FXR1: variants seen among roughly 807,000 people sequenced by gnomAD.
The protein encoded by FXR1 is FMR1 autosomal homolog 1.
In FXR1, 15 loss-of-function variants were observed where a neutral mutation model predicts 84.0. The observed-to-expected ratio is 0.18, with a 90% CI of 0.12 to 0.27. The LOEUF (loss-of-function observed/expected upper bound fraction) is 0.27. Among genes scored for constraint, FXR1 ranks in the 10% least tolerant of loss-of-function variants. The pLI is 1.00. For missense variants in FXR1, 480 were observed against 774.4 expected, an observed-to-expected ratio of 0.62 and a Z score of 4.51; for synonymous variants, 245 against 250.7, an observed-to-expected ratio of 0.98 and a Z score of 0.21.
Position 180,981,761 on chromosome 3 carries a change from A to C in FXR1, c.*5469A>C, listed in dbSNP as rs1211743975. ...CTGGACTTTTGTTTCCCAAGCCATA[A>C]AATGTGGAAGAATCTTCACAATTTC... On this transcript the variant is annotated 3_prime_UTR_variant, in exon 17 of 17. Transcript: ENST00000357559. 6.6e-6 allele frequency: 1 copy of C among 152,092 alleles called. No homozygotes were observed. The highest frequency in any genetic ancestry group is 2.4e-5 in the African/African-American group (1 of 41,444). The allele number at this position is 152,092 out of a possible 1,614,324, so 9.4% of individuals were successfully genotyped here. A position where few individuals can be genotyped will look rare whatever the true frequency, so the allele number is the denominator to read the frequency against.
intron 1 of FXR1, chr3:180,927,501 T>C (rs555601398): frequency 1.9e-6 from 1 of 520,136 alleles, no homozygotes; most frequent in South Asian, 2.7e-5. Context: ...ATTCATACCA[T>C]GTTTCTTTCT....
chr3:180,957,281 T>C (rs532569276), intron 9 of FXR1, among the ~76,000 whole-genome samples: 104 of 152,318 alleles, frequency 6.8e-4, no homozygotes, highest in African/African-American at 2.4e-3. Context: ...TCATTTTTTA[T>C]ATAGCTGTGG....
intron 1 of FXR1, among the ~76,000 whole-genome samples, chr3:180,913,505 G>C (rs1276211719): frequency 3.3e-5 from 5 of 152,056 alleles, no homozygotes; most frequent in Non-Finnish European, 7.4e-5. Flanking sequence ...GTTTTTGGAG[G>C]GAGGTTTTGT....
intron 1 of FXR1, chr3:180,927,717 A>C: frequency 2.2e-6 from 1 of 455,984 alleles, no homozygotes; most frequent in Non-Finnish European, 3.9e-6. Flanking sequence ...CAAGACACAA[A>C]CTGAAGAGAA....
At chr3:180,937,968 T>C (rs993086107) in intron 3 of FXR1, among the ~76,000 whole-genome samples, 1 of 152,168 alleles carries the variant, frequency 6.6e-6, no homozygotes, top group South Asian at 2.1e-4. Context: ...AAAGGACATA[T>C]TTAAGTTGAA....
chr3:180,947,535 C>T (rs886325078), intron 3 of FXR1, among the ~76,000 whole-genome samples: 1 of 152,124 alleles, frequency 6.6e-6, no homozygotes, highest in Non-Finnish European at 1.5e-5. Context: ...TTAATATTAA[C>T]AATGTTGACA....
intron 9 of FXR1, among the ~76,000 whole-genome samples, chr3:180,956,684 C>T (rs1350364437): frequency 6.6e-6 from 1 of 151,960 alleles, no homozygotes; most frequent in Non-Finnish European, 1.5e-5. Flanking sequence ...ATGTGAATTC[C>T]CTGCCCTACT....
rs564791488 is a variant in FXR1 at position 180,951,837 on chromosome 3, G to A, written c.801+369G>A. On this transcript the variant is annotated intron_variant, in intron 8 of 16. Transcript: ENST00000357559. Reference sequence around the variant, plus strand: ...TATTAGAATAGCTTTTCTAGAACTTGAGTTTGTATAATACTTCGTCACTGG... The same window carrying A: ...TATTAGAATAGCTTTTCTAGAACTTAAGTTTGTATAATACTTCGTCACTGG... Among the ~76,000 whole-genome samples the A allele has an allele frequency of 2.2e-3, 328 of 152,258 alleles. 1 individual carries two copies. The highest frequency in any genetic ancestry group is 7.7e-3 in the African/African-American group (320 of 41,558).
chr3:180,966,972 T>G (rs1290771360), intron 13 of FXR1, among the ~76,000 whole-genome samples: 1 of 152,196 alleles, frequency 6.6e-6, no homozygotes, highest in African/African-American at 2.4e-5. Flanking sequence ...CTTTGTGGTG[T>G]TTAAATAAAT....
Position 180,963,078 on chromosome 3 carries a change from ACCT to A in FXR1, c.1189_1191del (p.Ser397del). ...CAGAGGTCGTCGGGGACCTAATTACACCTCCGGTTATGGTAAAAAAAAATTTTT... is the reference window on the plus strand; with the variant it reads ...CAGAGGTCGTCGGGGACCTAATTACACCGGTTATGGTAAAAAAAAATTTTT... On this transcript the variant is annotated inframe_deletion, in exon 13 of 17. Transcript: ENST00000357559. The A allele has an allele frequency of 7.0e-7, 1 of 1,429,322 alleles. No homozygotes were observed. The highest frequency in any genetic ancestry group is 9.7e-7 in the Non-Finnish European group (1 of 1,034,852). The allele number at this position is 1,429,322 out of a possible 1,614,324, so 88.5% of individuals were successfully genotyped here. A position where few individuals can be genotyped will look rare whatever the true frequency, so the allele number is the denominator to read the frequency against.
In FXR1 at chr3:180,976,176, A is replaced by G. The variant is rs1453077574; in HGVS notation, c.1750A>G (p.Thr584Ala). ...GPSEKAINGP[T>A]SASGDDISKL... Reference sequence around the variant, plus strand: ...TTCAGAAAAGGCAATAAACGGCCCAACTAGTGCTTCTGGCGATGACATTTC... The same window carrying G: ...TTCAGAAAAGGCAATAAACGGCCCAGCTAGTGCTTCTGGCGATGACATTTC... Residue 584 changes from threonine to alanine, a missense_variant, in exon 17 of 17, where the codon ACT becomes GCT. Thr to Ala is a moderately conservative substitution (Grantham distance 58). This residue lies in a region of FXR1 where 94 missense variants were observed against 81.8 expected (regional missense o/e 1.15). Transcript: ENST00000357559. The G allele has an allele frequency of 2.4e-5, 39 of 1,613,326 alleles. No homozygotes were observed. In the Admixed American group the frequency reaches 6.2e-4, roughly 26 times the overall value.
intron 15 of FXR1, among the ~76,000 whole-genome samples, chr3:180,972,135 CTTCCCCTTCT>C (rs899093462): frequency 3.0e-4 from 46 of 152,210 alleles, no homozygotes; most frequent in African/African-American, 1.1e-3. Context: ...ATTTGTTTTC[CTTCCCCTTCT>C]TTCCTCCCCT....
rs1416306562 is a variant in FXR1 at position 180,979,198 on chromosome 3, G to T, written c.*2906G>T. The T allele has an allele frequency of 6.6e-6, 1 of 152,040 alleles. No individual in the cohort carries two copies. Among genetic ancestry groups the T allele is most frequent in the Non-Finnish European group, 1.5e-5 (1 of 67,980 alleles). The allele number at this position is 152,040 out of a possible 1,614,324, so 9.4% of individuals were successfully genotyped here. A position where few individuals can be genotyped will look rare whatever the true frequency, so the allele number is the denominator to read the frequency against. ...GTATGTTAACTAAATCTTGGACTGG[G>T]AAACAGCACCATTTGTATCCTCTGC... On this transcript the variant is annotated 3_prime_UTR_variant, in exon 17 of 17. Coordinates refer to ENST00000357559, the MANE Select transcript of FXR1 (RefSeq NM_005087.4).
chr3:180,914,284 G>C lies in FXR1; in HGVS notation c.51+1548G>C, dbSNP rs531925196. Among the ~76,000 whole-genome samples the C allele has an allele frequency of 2.0e-5, 3 of 152,284 alleles. No homozygotes were observed. In the South Asian group the frequency reaches 6.2e-4, roughly 32 times the overall value. On this transcript the variant is annotated intron_variant, in intron 1 of 16. Transcript: ENST00000357559. ...CTTTCCCTGGACTACTGCAGATACA[G>C]TTCGCTGGGTAAGACGGCGAAAAGA... is the stretch of plus-strand genomic sequence containing the variant.
At chr3:180,932,877 C>T (rs1026739127) in intron 1 of FXR1, among the ~76,000 whole-genome samples, 4 of 152,168 alleles carry the variant, frequency 2.6e-5, no homozygotes, top group Non-Finnish European at 4.4e-5. Flanking sequence ...TCATTTACTT[C>T]TGATAAATTT....
At chr3:180,939,456 T>C (rs1720888988) in intron 3 of FXR1, among the ~76,000 whole-genome samples, 1 of 152,154 alleles carries the variant, frequency 6.6e-6, no homozygotes. Context: ...TTATAAAGGA[T>C]ACAAGTCAGG....
At chr3:180,947,347 T>A (rs1721806094) in intron 3 of FXR1, among the ~76,000 whole-genome samples, 1 of 152,198 alleles carries the variant, frequency 6.6e-6, no homozygotes, top group Non-Finnish European at 1.5e-5. Flanking sequence ...GCGTCCGGCC[T>A]GGATAGGAAT....
chr3:180,965,967 A>G (rs1461667420), intron 13 of FXR1, among the ~76,000 whole-genome samples: 5 of 152,126 alleles, frequency 3.3e-5, no homozygotes, highest in Non-Finnish European at 5.9e-5. Context: ...ATACTTCAAT[A>G]TGAACTTTTG....
At position 180,976,325 on chromosome 3, in the gene FXR1, C is replaced by T. The variant is rs1714242695; in HGVS notation, c.*33C>T. ...AAGTTCCTAGTTTACAGTTCTTTTA[C>T]ATTACATTTACAATAGTGCTTGTAC... On this transcript the variant is annotated 3_prime_UTR_variant, in exon 17 of 17. Transcript: ENST00000357559. 2 of 1,438,278 alleles carry T rather than the reference C, an allele frequency of 1.4e-6. No homozygotes were observed. Among genetic ancestry groups the T allele is most frequent in the South Asian group, 1.3e-5 (1 of 76,276 alleles). 89.1% of individuals were successfully genotyped at this position (1,438,278 alleles called of 1,614,324 possible).
Sources: allele counts gnomAD v4.1 joint callset (sites outside exome capture counted in the v4.1 genomes callset), GRCh38; gene constraint gnomAD v4.1.1; regional missense constraint gnomAD v4.1.1; transcripts MANE v1.5; gene names NCBI Gene and HGNC (gene_info 2026-07-23, HGNC 2026-07-21).